The following SPOCK2 variants were observed in gnomAD, a reference collection of about 807,000 sequenced individuals.
SPOCK2 encodes the protein SPARC (osteonectin), cwcv and kazal like domains proteoglycan 2, also known as testican-2.
SPOCK2 carries 39 observed loss-of-function variants against 60.1 expected under a neutral mutation model. That is an observed-to-expected ratio of 0.65 (90% confidence interval 0.50 to 0.85). SPOCK2 has a LOEUF of 0.85. SPOCK2 is among the 40% of genes least tolerant of loss of function. SPOCK2 has a pLI of 0.00. For synonymous variants in SPOCK2, 217 were observed against 231.5 expected, an observed-to-expected ratio of 0.94 and a Z score of 0.57; for missense variants, 523 against 567.4, an observed-to-expected ratio of 0.92 and a Z score of 0.80.
At chr10:72,063,274 C>T (rs1840522167) in intron 9 of SPOCK2, 112 bp from the exon 10 acceptor site, 1 of 1,445,216 alleles carries the variant, frequency 6.9e-7, no homozygotes, top group South Asian at 1.4e-5. Flanking sequence ...CCCCCAGAGC[C>T]CAGCCAGACC....
intron 8 of SPOCK2, among the ~76,000 whole-genome samples, chr10:72,065,981 C>T (rs1316002565): frequency 6.6e-6 from 1 of 152,120 alleles, no homozygotes; most frequent in Non-Finnish European, 1.5e-5. Context: ...AAGCTTTGGG[C>T]CCTGACTGCC....
intron 1 of SPOCK2, among the ~76,000 whole-genome samples, chr10:72,080,647 T>C (rs966167498): frequency 2.0e-5 from 3 of 151,956 alleles, no homozygotes; most frequent in Non-Finnish European, 4.4e-5. Flanking sequence ...GGCCAGTCAT[T>C]AAATACTTGA....
At chr10:72,073,991 G>C (rs1470439297) in intron 1 of SPOCK2, among the ~76,000 whole-genome samples, 2 of 152,224 alleles carry the variant, frequency 1.3e-5, no homozygotes, top group Admixed American at 6.5e-5. Context: ...CTCTGCGTGG[G>C]GCTCCAGGAG....
intron 4 of SPOCK2, 138 bp downstream of exon 4, chr10:72,072,006 C>T: frequency 1.6e-6 from 1 of 614,468 alleles, no homozygotes; most frequent in East Asian, 3.1e-5. Flanking sequence ...TCAGATAATA[C>T]ATATTTGCTG....
intron 2 of SPOCK2, 114 bp downstream of exon 2, chr10:72,072,788 C>T (rs1840667420): frequency 1.3e-6 from 2 of 1,496,006 alleles, no homozygotes; most frequent in African/African-American, 1.4e-5. Context: ...GCTCCCATGC[C>T]ACACTGGAGG....
intron 8 of SPOCK2, among the ~76,000 whole-genome samples, chr10:72,065,270 A>C (rs1173697167): frequency 6.7e-6 from 1 of 149,810 alleles, no homozygotes; most frequent in Non-Finnish European, 1.5e-5. Context: ...TCCTGACCTC[A>C]GGTGATCCAC....
At chr10:72,086,557 T>C in intron 1 of SPOCK2, 1 of 1,142,654 alleles carries the variant, frequency 8.8e-7, no homozygotes, top group Non-Finnish European at 1.1e-6. Context: ...GCCCCCTCGC[T>C]GCTGTGGCCG....
chr10:72,082,853 CAAAAAAAAAAAA>C (rs770751183), intron 1 of SPOCK2, among the ~76,000 whole-genome samples: 2 of 46,044 alleles, frequency 4.3e-5, no homozygotes, highest in Admixed American at 2.6e-4. Context: ...GACCCTGTCT[CAAAAAAAAAAAA>C]AAAAAAAAAA....
rs950798439 is a variant in SPOCK2 at position 72,061,108 on chromosome 10, G to C, written c.*1652C>G. 1.3e-5 allele frequency: 2 copies of C among 152,788 alleles called. No individual in the cohort carries two copies. The highest frequency in any genetic ancestry group is 4.8e-5 in the African/African-American group (2 of 41,460). The allele number at this position is 152,788 out of a possible 1,614,324, so 9.5% of individuals were successfully genotyped here. On this transcript the variant is annotated 3_prime_UTR_variant, in exon 11 of 11. Transcript: ENST00000373109. ...GAAGGGCATCACAGCCCCAAGTCTG[G>C]GTAAGAAATTCTCCACCAAAGGTGT...
intron 4 of SPOCK2, among the ~76,000 whole-genome samples, chr10:72,070,666 G>C (rs1840635524): frequency 6.6e-6 from 1 of 151,672 alleles, no homozygotes; most frequent in Admixed American, 6.6e-5. Flanking sequence ...AGGAGTCACT[G>C]AGTCCCATGG....
At chr10:72,084,245 C>T (rs1840825570) in intron 1 of SPOCK2, among the ~76,000 whole-genome samples, 2 of 152,226 alleles carry the variant, frequency 1.3e-5, no homozygotes, top group South Asian at 4.1e-4. Flanking sequence ...AGCGTAGTAC[C>T]TGCCCTGGAA....
At chr10:72,085,937 G>A (rs1840849407) in intron 1 of SPOCK2, among the ~76,000 whole-genome samples, 1 of 152,172 alleles carries the variant, frequency 6.6e-6, no homozygotes, top group African/African-American at 2.4e-5. Flanking sequence ...CACAACTTCA[G>A]GGGGCACCAT....
chr10:72,080,513 G>T (rs1840768794), intron 1 of SPOCK2, among the ~76,000 whole-genome samples: 1 of 152,162 alleles, frequency 6.6e-6, no homozygotes, highest in African/African-American at 2.4e-5. Flanking sequence ...GTGGGGCCCA[G>T]TGGGGACACC....
chr10:72,069,730 T>C (rs899159382), intron 5 of SPOCK2, among the ~76,000 whole-genome samples: 1 of 152,172 alleles, frequency 6.6e-6, no homozygotes, highest in Non-Finnish European at 1.5e-5. Flanking sequence ...AGTGCTGGGA[T>C]TGCAGGCGTG....
chr10:72,067,196 G>T, intron 7 of SPOCK2, 76 bp from the exon 8 acceptor site: 2 of 1,411,096 alleles, frequency 1.4e-6, no homozygotes, highest in African/African-American at 1.4e-5. Flanking sequence ...TCTCCGCCTC[G>T]CCATCAGCCC....
intron 4 of SPOCK2, 23 bp downstream of exon 4, chr10:72,072,121 T>A: frequency 1.4e-6 from 2 of 1,443,912 alleles, no homozygotes; most frequent in Non-Finnish European, 1.8e-6. Context: ...CCTCCAGGGC[T>A]CCCACCTCCC....
At chr10:72,085,859 G>T (rs975115324) in intron 1 of SPOCK2, among the ~76,000 whole-genome samples, 8 of 152,218 alleles carry the variant, frequency 5.3e-5, no homozygotes, top group African/African-American at 1.9e-4. Flanking sequence ...AGGAAGTAGG[G>T]CTTCTTCTGG....
chr10:72,077,944 C>T (rs1157873829), intron 1 of SPOCK2, among the ~76,000 whole-genome samples: 1 of 152,240 alleles, frequency 6.6e-6, no homozygotes, highest in Non-Finnish European at 1.5e-5. Flanking sequence ...CACTGTCTTC[C>T]ACACGGCTGC....
Position 72,087,870 on chromosome 10 carries a change from A to AGACCCCGGAGCGCGC in SPOCK2, c.189+255_189+269dup, listed in dbSNP as rs1300139689. ...CCTTCCCACTCCCGGCCCGCAGGGG[A>AGACCCCGGAGCGCGC]GACCCCGGAGCGCGCGACCCCGGAG... On this transcript the variant is annotated intron_variant, in intron 1 of 10. Coordinates refer to ENST00000373109, the MANE Select transcript of SPOCK2 (RefSeq NM_001244950.2). The surrounding 1 kb of genome is among the most constrained non-coding windows in gnomAD (Gnocchi z 4.7). 2.0e-5 allele frequency among the ~76,000 whole-genome samples: 3 copies of AGACCCCGGAGCGCGC among 151,830 alleles called. No individual in the cohort carries two copies. Among genetic ancestry groups the AGACCCCGGAGCGCGC allele is most frequent in the Non-Finnish European group, 4.4e-5 (3 of 67,894 alleles).
Sources: gnomAD v4.1 joint callset for allele counts (sites outside exome capture counted in the v4.1 genomes callset) on GRCh38, gnomAD v4.1.1 for gene constraint, Gnocchi (gnomAD v3.1) non-coding constraint, MANE v1.5 for transcripts, NCBI Gene and HGNC (gene_info 2026-07-23, HGNC 2026-07-21) for gene names.